Variants in COL27A1 observed in about 807,000 individuals in gnomAD.
COL27A1 encodes the protein collagen type XXVII alpha 1 chain, also known as collagen alpha-1(XXVII) chain.
COL27A1 carries 106 observed loss-of-function variants against 251.3 expected under a neutral mutation model. That is an observed-to-expected ratio of 0.42 (90% CI 0.36 to 0.50). The LOEUF (loss-of-function observed/expected upper bound fraction) is 0.50. Among genes scored for constraint, COL27A1 ranks in the 20% least tolerant of loss-of-function variants. The pLI, the probability that COL27A1 is intolerant of heterozygous loss-of-function variation, is 0.00. For missense variants in COL27A1, 2,325 were observed against 2,522.8 expected, an observed-to-expected ratio of 0.92 and a Z score of 1.68; for synonymous variants, 1,000 against 986.3, an observed-to-expected ratio of 1.01 and a Z score of -0.26.
chr9:114,212,846 GC>G (rs1421609259), intron 12 of COL27A1, among the ~76,000 whole-genome samples: 23 of 152,352 alleles, frequency 1.5e-4, no homozygotes, highest in African/African-American at 5.3e-4. Context: ...GTGACACTAA[GC>G]CAATGACTTC....
intron 1 of COL27A1, among the ~76,000 whole-genome samples, chr9:114,160,867 C>G (rs2135014041): frequency 6.6e-6 from 1 of 152,222 alleles, no homozygotes; most frequent in Non-Finnish European, 1.5e-5. Flanking sequence ...ACTGACCAGG[C>G]AAAGGAGTAG....
chr9:114,219,814 A>G lies in COL27A1; in HGVS notation c.2391A>G (p.Glu797=). The G allele has an allele frequency of 6.2e-7, 1 of 1,611,682 alleles. No homozygotes were observed. The highest frequency in any genetic ancestry group is 8.5e-7 in the Non-Finnish European group (1 of 1,177,870). The part of the protein sequence containing the change: ...GMPGFPGVFG[E]RGPPGLDGNP... ...AGGGGTTTCCTGGAGTCTTTGGGGAAAGAGGCCCTCCTGGACTGGATGGAA... is the reference window on the plus strand; with the variant it reads ...AGGGGTTTCCTGGAGTCTTTGGGGAGAGAGGCCCTCCTGGACTGGATGGAA... The change falls in exon 13 of 61, where the codon GAA becomes GAG. Residue 797 remains glutamate, a synonymous_variant. Coordinates refer to ENST00000356083, the MANE Select transcript of COL27A1 (RefSeq NM_032888.4).
At chr9:114,272,230 G>A (rs10982130) in intron 36 of COL27A1, 24,219 of 152,224 alleles carry the variant, frequency 0.16, 2,120 homozygotes, top group African/African-American at 0.18. Context: ...CTCACTAGAC[G>A]GATGAGGAAA....
intron 28 of COL27A1, among the ~76,000 whole-genome samples, chr9:114,263,863 G>T (rs1834531498): frequency 6.6e-6 from 1 of 152,214 alleles, no homozygotes; most frequent in Admixed American, 6.5e-5. Flanking sequence ...TCTGGCTAGA[G>T]ATGGGGCTGC....
chr9:114,252,826 G>A, intron 26 of COL27A1, 53 bp from the exon 27 acceptor site: 7 of 1,570,826 alleles, frequency 4.5e-6, no homozygotes, highest in Non-Finnish European at 6.1e-6. Flanking sequence ...AGGTGGGACT[G>A]AAGGAGGAAG....
chr9:114,230,301 G>A (rs1238091070), intron 14 of COL27A1, among the ~76,000 whole-genome samples: 1 of 152,052 alleles, frequency 6.6e-6, no homozygotes, highest in East Asian at 2.0e-4. Context: ...GTTTGCAGAC[G>A]GCAGCTCAGC....
chr9:114,183,480 G>A (rs940868950), intron 5 of COL27A1, among the ~76,000 whole-genome samples: 8 of 152,192 alleles, frequency 5.3e-5, no homozygotes, highest in African/African-American at 7.2e-5. Flanking sequence ...ATGAATGCGG[G>A]GTGGGGAACC....
chr9:114,226,141 C>T (rs2135409170), intron 14 of COL27A1, among the ~76,000 whole-genome samples: 1 of 152,272 alleles, frequency 6.6e-6, no homozygotes, highest in Non-Finnish European at 1.5e-5. Context: ...TTCAGAGTGA[C>T]ACAGAGGAAA....
rs56094843 is a variant in COL27A1 at position 114,311,548 on chromosome 9, G to GAAAAAAAAAAAAAAAAAAAAAAAAAA, written c.*870_*871insAAAAAAAAAAAAAAAAAAAAAAAAAA. 1 of 96,224 alleles carries GAAAAAAAAAAAAAAAAAAAAAAAAAA rather than the reference G, an allele frequency of 1.0e-5. No individual in the cohort carries two copies. Among genetic ancestry groups the GAAAAAAAAAAAAAAAAAAAAAAAAAA allele is most frequent in the African/African-American group, 3.4e-5 (1 of 29,318 alleles). 6.0% of individuals were successfully genotyped at this position (96,224 alleles called of 1,614,324 possible). On this transcript the variant is annotated 3_prime_UTR_variant, in exon 61 of 61. Coordinates refer to ENST00000356083, the MANE Select transcript of COL27A1 (RefSeq NM_032888.4). ...AGGAGGAAAAAAGAAAAGAAAAAAGGAAAAAAAAAAAAAAAAAGCAAAACA... is the reference window on the plus strand; with the variant it reads ...AGGAGGAAAAAAGAAAAGAAAAAAGGAAAAAAAAAAAAAAAAAAAAAAAAAAAAAAAAAAAAAAAAAAAGCAAAACA...
At chr9:114,264,468 A>G in intron 29 of COL27A1, 60 bp downstream of exon 29, 1 of 1,313,906 alleles carries the variant, frequency 7.6e-7, no homozygotes, top group Non-Finnish European at 1.0e-6. Flanking sequence ...GGAATCGTGA[A>G]CAAGGCTCAC....
chr9:114,270,427 T>G (rs1222471876), intron 35 of COL27A1, among the ~76,000 whole-genome samples: 1 of 152,188 alleles, frequency 6.6e-6, no homozygotes, highest in Non-Finnish European at 1.5e-5. Context: ...GACAAGCACC[T>G]TCTAAATTCG....
At chr9:114,231,053 A>G in intron 14 of COL27A1, 26 bp from the exon 15 acceptor site, 1 of 1,608,134 alleles carries the variant, frequency 6.2e-7, no homozygotes, top group Non-Finnish European at 8.5e-7. Flanking sequence ...TGCTCACAGC[A>G]CCCTCTTCTC....
intron 22 of COL27A1, 105 bp downstream of exon 22, chr9:114,242,336 G>A: frequency 1.0e-6 from 1 of 1,001,316 alleles, no homozygotes; most frequent in South Asian, 1.7e-5. Context: ...TCATCAGTGA[G>A]GGCCTTGGAC....
chr9:114,298,426 C>T (rs539909121), intron 49 of COL27A1, among the ~76,000 whole-genome samples: 1 of 152,170 alleles, frequency 6.6e-6, no homozygotes, highest in Admixed American at 6.5e-5. Context: ...CAAAGTTGGA[C>T]AACTCACACT....
chr9:114,296,190 A>G (rs1828245549), intron 49 of COL27A1, among the ~76,000 whole-genome samples: 1 of 152,232 alleles, frequency 6.6e-6, no homozygotes, highest in Non-Finnish European at 1.5e-5. Flanking sequence ...CCCAGAAAAG[A>G]AAATGTGATA....
At chr9:114,277,617 G>C (rs1554823159) in intron 37 of COL27A1, among the ~76,000 whole-genome samples, 1 of 152,188 alleles carries the variant, frequency 6.6e-6, no homozygotes, top group Non-Finnish European at 1.5e-5. Flanking sequence ...CACCAAACTA[G>C]AGAAGAATAC....
chr9:114,167,440 A>T (rs1848960704), intron 2 of COL27A1, among the ~76,000 whole-genome samples: 1 of 152,214 alleles, frequency 6.6e-6, no homozygotes. Flanking sequence ...GTTTGGCTCC[A>T]GAGTCTGTTT....
At chr9:114,248,512 C>A (rs796621921) in intron 24 of COL27A1, among the ~76,000 whole-genome samples, 14 of 152,328 alleles carry the variant, frequency 9.2e-5, no homozygotes, top group African/African-American at 3.4e-4. Context: ...CTGTGGGTAA[C>A]AATGCTGCCT....
Position 114,302,225 on chromosome 9 carries a change from G to A in COL27A1, c.4872+117G>A, listed in dbSNP as rs150045454. ...AGAGCCCTAAGCTGGGTCTAGGGAC[G>A]CCCATGTCCTTTTGTCACTTCATAC... On this transcript the variant is annotated intron_variant, in intron 56 of 60. Transcript: ENST00000356083. 5.6e-5 allele frequency: 46 copies of A among 815,286 alleles called. No individual in the cohort carries two copies. In the East Asian group the frequency reaches 6.4e-4, roughly 11 times the overall value. 50.5% of individuals were successfully genotyped at this position (815,286 alleles called of 1,614,324 possible).
Sources: allele counts gnomAD v4.1 joint callset (sites outside exome capture counted in the v4.1 genomes callset), GRCh38; gene constraint gnomAD v4.1.1; transcripts MANE v1.5; gene names NCBI Gene and HGNC (gene_info 2026-07-23, HGNC 2026-07-21).